Variants in PCDHA8 observed in about 807,000 individuals in gnomAD.
PCDHA8 encodes the protein protocadherin alpha-8.
PCDHA8 carries 53 observed loss-of-function variants against 61.8 expected under a neutral mutation model. That is an observed-to-expected ratio of 0.86 (90% CI 0.69 to 1.08). The LOEUF (loss-of-function observed/expected upper bound fraction) is 1.08, where lower values mean the gene tolerates loss of function less well. Ranked by LOEUF, PCDHA8 falls within the 50% of genes least tolerant of loss-of-function variation. The pLI is 0.00. For synonymous variants in PCDHA8, 618 were observed against 556.6 expected (o/e 1.11, Z -1.55); for missense variants, 1,293 against 1,245.0 (o/e 1.04, Z -0.58).
intron 1 of PCDHA8, chr5:140,969,495 C>G: frequency 7.0e-7 from 1 of 1,437,888 alleles, no homozygotes; most frequent in Non-Finnish European, 9.2e-7. Context: ...TATTTCCTCT[C>G]TAGAAAAATA....
chr5:140,972,287 G>T (rs2096528818), intron 1 of PCDHA8, among the ~76,000 whole-genome samples: 1 of 151,036 alleles, frequency 6.6e-6, no homozygotes, highest in Non-Finnish European at 1.5e-5. Flanking sequence ...CCATAGATGT[G>T]CGCCACCGTG....
intron 2 of PCDHA8, chr5:140,982,223 TA>T: frequency 5.2e-6 from 3 of 580,212 alleles, no homozygotes; most frequent in East Asian, 4.0e-5. Context: ...ATGGCGTTAA[TA>T]AAAAACAGAA....
chr5:140,920,559 C>T (rs2153557837), intron 1 of PCDHA8, among the ~76,000 whole-genome samples: 2 of 152,226 alleles, frequency 1.3e-5, no homozygotes, highest in South Asian at 4.1e-4. Context: ...GAAGTGTGGC[C>T]CTTAGGCCAG....
At position 140,843,555 on chromosome 5, in the gene PCDHA8, TG is replaced by T; in HGVS notation, c.2238del (p.Ser747AlafsTer39). Reference sequence around the variant, plus strand: ...CCCACTCTGGTGTGCTCCAGTGCGGTGGGGAGCTGGTCATACTCGCAACAAC... The same window carrying T: ...CCCACTCTGGTGTGCTCCAGTGCGGTGGGAGCTGGTCATACTCGCAACAAC... The part of the protein sequence containing the change: ...GKPTLVCSSA[V>X]GSWSYSQQQP... On this transcript the variant is annotated frameshift_variant, in exon 1 of 4. Coordinates refer to ENST00000531613, the MANE Select transcript of PCDHA8 (RefSeq NM_018911.3). LOFTEE classifies it high-confidence loss of function. 1 of 1,595,708 alleles carries T rather than the reference TG, an allele frequency of 6.3e-7. No individual in the cohort carries two copies. Among genetic ancestry groups the T allele is most frequent in the African/African-American group, 1.3e-5 (1 of 74,488 alleles).
intron 3 of PCDHA8, among the ~76,000 whole-genome samples, chr5:140,992,501 A>G (rs1437736734): frequency 6.6e-6 from 1 of 152,206 alleles, no homozygotes. Context: ...TAAGGATTCA[A>G]TCCTGGGGCA....
chr5:140,930,338 A>T (rs2086745230), intron 1 of PCDHA8: 1 of 152,214 alleles, frequency 6.6e-6, no homozygotes, highest in African/African-American at 2.4e-5. Flanking sequence ...AATGAAAGTT[A>T]AGTGATTCAA....
In PCDHA8 at chr5:140,927,982, G is replaced by T. The variant is rs114786796; in HGVS notation, c.2395-50967G>T. 280 of 1,614,224 alleles carry T rather than the reference G, an allele frequency of 1.7e-4. No individual in the cohort carries two copies. The African/African-American group carries it at 3.0e-3, about 17-fold the overall frequency. On this transcript the variant is annotated intron_variant, in intron 1 of 3. Transcript: ENST00000531613. ...TGGCACAGTGATTGCTCTCTTTAGT[G>T]TAAAGGATGAAGACCTCGATTCTAA...
chr5:140,955,986 C>A (rs2095245113), intron 1 of PCDHA8, among the ~76,000 whole-genome samples: 1 of 152,124 alleles, frequency 6.6e-6, no homozygotes, highest in Non-Finnish European at 1.5e-5. Flanking sequence ...GCAATTTTTG[C>A]ACATTGATTT....
chr5:141,000,412 TATATATATA>T (rs1297219533), intron 3 of PCDHA8, among the ~76,000 whole-genome samples: 3 of 102,772 alleles, frequency 2.9e-5, no homozygotes, highest in Admixed American at 1.2e-4. Flanking sequence ...TATATATATA[TATATATATA>T]TTTTTTTTTT....
chr5:140,877,699 A>G (rs1554169995), intron 1 of PCDHA8: 2 of 1,613,896 alleles, frequency 1.2e-6, no homozygotes, highest in Middle Eastern at 1.7e-4. Flanking sequence ...GGTGTGCTCC[A>G]GCGCCGTGGG....
chr5:140,922,434 C>T (rs1167616099), intron 1 of PCDHA8, among the ~76,000 whole-genome samples: 1 of 152,180 alleles, frequency 6.6e-6, no homozygotes, highest in Admixed American at 6.5e-5. Flanking sequence ...GAGGGCAGAA[C>T]TCTCTCATTA....
In PCDHA8 at chr5:140,959,652, T is replaced by C. The variant is rs538144488; in HGVS notation, c.2395-19297T>C. 1.3e-4 allele frequency among the ~76,000 whole-genome samples: 20 copies of C among 152,234 alleles called. No individual in the cohort carries two copies. In the South Asian group the frequency reaches 4.2e-3, roughly 32 times the overall value. On this transcript the variant is annotated intron_variant, in intron 1 of 3. Transcript: ENST00000531613. ...AGAGAGAAAAAACACAGAAGCAAAATTGAAGAATTTGTAAATCATTTCTAA... is the reference window on the plus strand; with the variant it reads ...AGAGAGAAAAAACACAGAAGCAAAACTGAAGAATTTGTAAATCATTTCTAA...
At chr5:140,948,861 A>G (rs1298940496) in intron 1 of PCDHA8, among the ~76,000 whole-genome samples, 1 of 151,528 alleles carries the variant, frequency 6.6e-6, no homozygotes, top group African/African-American at 2.4e-5. Flanking sequence ...TTCTTATATT[A>G]CTTCGGGTTT....
intron 1 of PCDHA8, 170 bp from the exon 2 acceptor site, chr5:140,978,779 C>T: frequency 2.1e-6 from 2 of 969,908 alleles, no homozygotes; most frequent in Non-Finnish European, 2.5e-6. Flanking sequence ...TAATTTTCTT[C>T]TAAAGTGCTA....
chr5:140,977,864 GGTAAGTATAAT>G (rs1175044090), intron 1 of PCDHA8, among the ~76,000 whole-genome samples: 1 of 152,140 alleles, frequency 6.6e-6, no homozygotes, highest in Non-Finnish European at 1.5e-5. Context: ...TACCAAATAT[GGTAAGTATAAT>G]GTAGAGGAAA....
At chr5:140,848,923 C>G (rs1554142574) in intron 1 of PCDHA8, 1 of 1,607,740 alleles carries the variant, frequency 6.2e-7, no homozygotes, top group Middle Eastern at 1.7e-4. Context: ...CTGTTCATCG[C>G]GGAATCCAGG....
chr5:140,856,016 A>G (rs2043730978), intron 1 of PCDHA8: 2 of 1,550,936 alleles, frequency 1.3e-6, no homozygotes, highest in East Asian at 2.3e-5. Flanking sequence ...TAGACCGCTG[A>G]TTCGTCGATT....
chr5:140,851,102 G>C, intron 1 of PCDHA8: 1 of 1,288,626 alleles, frequency 7.8e-7, no homozygotes, highest in African/African-American at 1.5e-5. Context: ...ATATTTTTTG[G>C]GTGCTGAATC....
intron 1 of PCDHA8, among the ~76,000 whole-genome samples, chr5:140,943,086 G>A (rs1384084328): frequency 6.6e-6 from 1 of 151,632 alleles, no homozygotes; most frequent in African/African-American, 2.4e-5. Flanking sequence ...GTGAAATCCT[G>A]CCTCTACTAA....
Sources: gnomAD v4.1 joint callset for allele counts (sites outside exome capture counted in the v4.1 genomes callset) on GRCh38, gnomAD v4.1.1 for gene constraint, MANE v1.5 for transcripts, NCBI Gene and HGNC (gene_info 2026-07-23, HGNC 2026-07-21) for gene names.